Variants in GRIK2 observed in about 807,000 individuals in gnomAD.
GRIK2 encodes glutamate receptor ionotropic, kainate 2.
Under a neutral mutation model 100.3 loss-of-function variants are expected in GRIK2, and 32 were observed. The observed-to-expected ratio is 0.32, with a 90% CI of 0.24 to 0.43. The LOEUF is 0.43. Ranked by LOEUF, GRIK2 falls within the 20% of genes least tolerant of loss-of-function variation. The pLI, the probability that GRIK2 is intolerant of heterozygous loss-of-function variation, is 1.00. For missense variants in GRIK2, 843 were observed against 1,114.9 expected (o/e 0.76, Z 3.47); for synonymous variants, 417 against 389.4 (o/e 1.07, Z -0.83).
Position 101,815,216 on chromosome 6 carries a change from C to G in GRIK2, c.1204-3154C>G, listed in dbSNP as rs566512245. The stretch of plus-strand genomic sequence containing the variant: ...GGAAAAAATAGGACCACAATATTAA[C>G]CATGATTGACTCTGGGTGTATTCAT... On this transcript the variant is annotated intron_variant, in intron 9 of 16. Coordinates refer to ENST00000369134, the MANE Select transcript of GRIK2 (RefSeq NM_021956.5). Among the ~76,000 whole-genome samples the G allele has an allele frequency of 6.6e-5, 10 of 152,168 alleles. No homozygotes were observed. The East Asian group carries it at 1.2e-3, about 18-fold the overall frequency.
intron 16 of GRIK2, among the ~76,000 whole-genome samples, chr6:102,068,139 C>G (rs1341546900): frequency 6.6e-6 from 1 of 151,742 alleles, no homozygotes; most frequent in Non-Finnish European, 1.5e-5. Flanking sequence ...TGGAGATTTT[C>G]TTTAAACTAG....
At chr6:101,497,636 A>G (rs9377280) in intron 2 of GRIK2, among the ~76,000 whole-genome samples, 40,202 of 151,930 alleles carry the variant, frequency 0.26, 6,778 homozygotes, top group East Asian at 0.48. Flanking sequence ...TTATATACCT[A>G]ACATATTAAA....
chr6:101,774,859 T>C (rs904190599), intron 7 of GRIK2, among the ~76,000 whole-genome samples: 1 of 151,818 alleles, frequency 6.6e-6, no homozygotes, highest in African/African-American at 2.4e-5. Flanking sequence ...TTAAAAGATA[T>C]ATATATCAGA....
chr6:102,060,685 G>T (rs1771702330), intron 16 of GRIK2, among the ~76,000 whole-genome samples: 1 of 150,506 alleles, frequency 6.6e-6, no homozygotes, highest in African/African-American at 2.4e-5. Flanking sequence ...TGCCTTTTTA[G>T]AAACTATAAG....
At chr6:101,541,818 A>T (rs900643904) in intron 2 of GRIK2, among the ~76,000 whole-genome samples, 1 of 152,024 alleles carries the variant, frequency 6.6e-6, no homozygotes, top group African/African-American at 2.4e-5. Flanking sequence ...TGCAAACTTC[A>T]TCTTTTTCTT....
At chr6:101,803,065 T>C (rs1448164685) in intron 9 of GRIK2, among the ~76,000 whole-genome samples, 2 of 151,886 alleles carry the variant, frequency 1.3e-5, no homozygotes, top group African/African-American at 4.8e-5. Flanking sequence ...ATTTTTCTGA[T>C]AGATTCATTG....
intron 11 of GRIK2, among the ~76,000 whole-genome samples, chr6:101,867,327 T>A (rs932059969): frequency 2.9e-4 from 44 of 152,130 alleles, no homozygotes; most frequent in Admixed American, 7.9e-4. Flanking sequence ...TCTCAGACGA[T>A]AGAGACATTA....
At chr6:102,023,499 G>A (rs1769537613) in intron 14 of GRIK2, among the ~76,000 whole-genome samples, 1 of 151,424 alleles carries the variant, frequency 6.6e-6, no homozygotes, top group African/African-American at 2.4e-5. Context: ...ACATAAGAAG[G>A]TTTTGGATTG....
chr6:101,540,571 A>T (rs960066146), intron 2 of GRIK2, among the ~76,000 whole-genome samples: 25 of 152,122 alleles, frequency 1.6e-4, no homozygotes, highest in Middle Eastern at 3.4e-3. Context: ...TTAGATAAAA[A>T]TGTATGAGGA....
At chr6:101,515,543 A>G (rs1167244728) in intron 2 of GRIK2, among the ~76,000 whole-genome samples, 1 of 152,104 alleles carries the variant, frequency 6.6e-6, no homozygotes, top group Non-Finnish European at 1.5e-5. Context: ...GCAGTGTAGA[A>G]GTGTTCCCTG....
intron 7 of GRIK2, among the ~76,000 whole-genome samples, chr6:101,705,481 C>T (rs1222493677): frequency 2.6e-5 from 4 of 151,704 alleles, no homozygotes; most frequent in Non-Finnish European, 5.9e-5. Flanking sequence ...TATTGAACTT[C>T]ACTGGTCATT....
chr6:101,512,839 G>A (rs2128278665), intron 2 of GRIK2, among the ~76,000 whole-genome samples: 2 of 151,706 alleles, frequency 1.3e-5, no homozygotes, highest in South Asian at 4.2e-4. Flanking sequence ...TAATAACATT[G>A]TCACACTTAA....
intron 2 of GRIK2, among the ~76,000 whole-genome samples, chr6:101,500,900 T>C (rs1366285364): frequency 1.3e-5 from 2 of 151,860 alleles, no homozygotes; most frequent in African/African-American, 2.4e-5. Flanking sequence ...ATTCCAAATG[T>C]TTAGTTCACT....
intron 2 of GRIK2, among the ~76,000 whole-genome samples, chr6:101,583,152 A>G (rs62419651): frequency 0.058 from 8,758 of 152,192 alleles, 341 homozygotes; most frequent in South Asian, 0.12. Context: ...GTGATTAAGC[A>G]AATGTTTAGT....
intron 7 of GRIK2, among the ~76,000 whole-genome samples, chr6:101,755,551 C>G (rs1445589159): frequency 6.6e-6 from 1 of 152,162 alleles, no homozygotes. Context: ...AGAGAGTTTT[C>G]GAGAAGATTT....
intron 2 of GRIK2, among the ~76,000 whole-genome samples, chr6:101,619,653 A>G (rs977959536): frequency 2.0e-5 from 3 of 151,924 alleles, no homozygotes; most frequent in African/African-American, 4.8e-5. Context: ...GCATTTCTAT[A>G]ATTTTCTCTT....
At position 101,712,537 on chromosome 6, in the gene GRIK2, A is replaced by G. The variant is rs537937329; in HGVS notation, c.951+26184A>G. On this transcript the variant is annotated intron_variant, in intron 7 of 16. Transcript: ENST00000369134. ...ATACATGTATGAGTCTGAGAAAGCC[A>G]GACTCCAAAGAGTGAACTATGCAAT... Among the ~76,000 whole-genome samples the G allele has an allele frequency of 2.0e-5, 3 of 151,964 alleles. No individual in the cohort carries two copies. In the South Asian group the frequency reaches 6.2e-4, roughly 31 times the overall value.
intron 2 of GRIK2, among the ~76,000 whole-genome samples, chr6:101,575,177 C>T (rs1253838249): frequency 1.3e-5 from 2 of 151,742 alleles, no homozygotes; most frequent in African/African-American, 4.8e-5. Flanking sequence ...TTCTCCCCAA[C>T]TCTCAAAAAA....
chr6:101,927,351 G>A, intron 13 of GRIK2: 1 of 677,162 alleles, frequency 1.5e-6, no homozygotes, highest in Non-Finnish European at 1.8e-6. Context: ...GTCCGTCTTT[G>A]CTTCATTCCA....
Sources: allele counts gnomAD v4.1 joint callset (sites outside exome capture counted in the v4.1 genomes callset), GRCh38; gene constraint gnomAD v4.1.1; transcripts MANE v1.5; gene names NCBI Gene and HGNC (gene_info 2026-07-23, HGNC 2026-07-21).